Variants in SAMD4A observed in about 807,000 individuals in gnomAD.
The protein encoded by SAMD4A is sterile alpha motif domain containing 4A.
In SAMD4A, 33 loss-of-function variants were observed where a neutral mutation model predicts 81.3. The observed-to-expected ratio is 0.41, with a 90% CI of 0.31 to 0.54. The LOEUF is 0.54. Among genes scored for constraint, SAMD4A ranks in the 20% least tolerant of loss-of-function variants. The pLI is 0.37. For synonymous variants in SAMD4A, 389 were observed against 382.1 expected, an observed-to-expected ratio of 1.02 and a Z score of -0.21; for missense variants, 854 against 951.1, an observed-to-expected ratio of 0.90 and a Z score of 1.34.
At chr14:54,650,812 C>T (rs554190564) in intron 2 of SAMD4A, among the ~76,000 whole-genome samples, 194 of 152,318 alleles carry the variant, frequency 1.3e-3, no homozygotes, top group Middle Eastern at 6.8e-3. Flanking sequence ...ACCAGACTCA[C>T]GGAACAGAGG....
chr14:54,712,268 C>G (rs911619), intron 3 of SAMD4A, among the ~76,000 whole-genome samples: 14,680 of 124,838 alleles, frequency 0.12, 2,123 homozygotes, highest in African/African-American at 0.33. Flanking sequence ...AGCAGACTTT[C>G]TTTCTCGGTG....
intron 2 of SAMD4A, among the ~76,000 whole-genome samples, chr14:54,691,180 CCT>C: frequency 6.6e-6 from 1 of 152,232 alleles, no homozygotes; most frequent in East Asian, 1.9e-4. Context: ...CTGCCTGAGC[CCT>C]CTCACTGTTT....
At chr14:54,658,203 C>T (rs1288783623) in intron 2 of SAMD4A, among the ~76,000 whole-genome samples, 1 of 152,022 alleles carries the variant, frequency 6.6e-6, no homozygotes, top group African/African-American at 2.4e-5. Context: ...CCCAGCTACT[C>T]GGGAGGCTGA....
chr14:54,582,353 A>C (rs1057166193), intron 2 of SAMD4A, among the ~76,000 whole-genome samples: 8 of 152,150 alleles, frequency 5.3e-5, no homozygotes, highest in Admixed American at 3.3e-4. Flanking sequence ...TATTTTGTTG[A>C]ACTTCACAAG....
chr14:54,748,691 T>C (rs1017501494), intron 4 of SAMD4A, 124 bp from the exon 5 acceptor site: 1 of 661,340 alleles, frequency 1.5e-6, no homozygotes, highest in Non-Finnish European at 2.7e-6. Context: ...ATAAAGGTGT[T>C]ACTTTTTCTT....
intron 2 of SAMD4A, among the ~76,000 whole-genome samples, chr14:54,647,021 C>T (rs2035301046): frequency 6.6e-6 from 1 of 152,146 alleles, no homozygotes; most frequent in South Asian, 2.1e-4. Flanking sequence ...GTTACTTTGA[C>T]ACATATTTTC....
intron 2 of SAMD4A, among the ~76,000 whole-genome samples, chr14:54,683,423 A>G (rs997056036): frequency 1.1e-4 from 17 of 152,236 alleles, no homozygotes; most frequent in African/African-American, 4.1e-4. Context: ...AATGCTGGTC[A>G]TGAGATCAGG....
intron 3 of SAMD4A, among the ~76,000 whole-genome samples, chr14:54,712,788 C>A (rs1344034586): frequency 2.0e-5 from 3 of 152,174 alleles, no homozygotes; most frequent in African/African-American, 7.2e-5. Flanking sequence ...CTCCATCCCC[C>A]ATCCAGGAAG....
At chr14:54,602,846 C>G (rs935532106) in intron 2 of SAMD4A, among the ~76,000 whole-genome samples, 1 of 152,030 alleles carries the variant, frequency 6.6e-6, no homozygotes, top group African/African-American at 2.4e-5. Flanking sequence ...CAGTTCATGC[C>G]TGTCAGGCTA....
At chr14:54,584,390 C>T (rs1049600364) in intron 2 of SAMD4A, among the ~76,000 whole-genome samples, 3 of 152,098 alleles carry the variant, frequency 2.0e-5, no homozygotes, top group Non-Finnish European at 2.9e-5. Context: ...TTTTATGCAT[C>T]AGAGGAATTT....
chr14:54,779,492 G>A (rs2038945190), intron 11 of SAMD4A, among the ~76,000 whole-genome samples: 1 of 152,180 alleles, frequency 6.6e-6, no homozygotes, highest in African/African-American at 2.4e-5. Flanking sequence ...TAACTCTACT[G>A]ATGGGAGACT....
chr14:54,751,339 G>C, intron 5 of SAMD4A, 112 bp from the exon 6 acceptor site: 1 of 677,266 alleles, frequency 1.5e-6, no homozygotes, highest in Admixed American at 2.7e-5. Context: ...TGATCAGCCC[G>C]TGAACATATA....
intron 2 of SAMD4A, among the ~76,000 whole-genome samples, chr14:54,569,097 G>A (rs930451920): frequency 3.3e-5 from 5 of 152,052 alleles, no homozygotes; most frequent in Non-Finnish European, 1.5e-5. Context: ...CTGCAGGAGG[G>A]TGAACAGAGT....
At chr14:54,779,605 T>C (rs140118842) in intron 11 of SAMD4A, among the ~76,000 whole-genome samples, 125 of 152,192 alleles carry the variant, frequency 8.2e-4, no homozygotes, top group African/African-American at 2.7e-3. Context: ...CCCTCGTTCC[T>C]GGTTCTACAC....
At chr14:54,717,278 C>CA (rs1012174076) in intron 3 of SAMD4A, among the ~76,000 whole-genome samples, 1 of 151,422 alleles carries the variant, frequency 6.6e-6, no homozygotes, top group African/African-American at 2.4e-5. Context: ...CCTATCTCTA[C>CA]AAAAAAATAA....
intron 12 of SAMD4A, among the ~76,000 whole-genome samples, chr14:54,787,590 G>A (rs927188432): frequency 6.6e-6 from 1 of 152,192 alleles, no homozygotes; most frequent in Non-Finnish European, 1.5e-5. Flanking sequence ...GTAATATTGG[G>A]GCTTGGACTG....
intron 2 of SAMD4A, among the ~76,000 whole-genome samples, chr14:54,629,236 G>A (rs56294338): frequency 0.11 from 16,731 of 152,208 alleles, 1,181 homozygotes; most frequent in Middle Eastern, 0.21. Context: ...ACCACCAGAA[G>A]CTTGGAAGAG....
chr14:54,630,930 G>A lies in SAMD4A; in HGVS notation c.196+62818G>A, dbSNP rs1461759367. The stretch of plus-strand genomic sequence containing the variant: ...TATATGTGTGTGTGTGTGTGTGTGT[G>A]TGTGTGTGTGTGTGTGTGTGTGTGT... On this transcript the variant is annotated intron_variant, in intron 2 of 12. Transcript: ENST00000554335. 1.4e-4 allele frequency among the ~76,000 whole-genome samples: 21 copies of A among 151,236 alleles called. No individual in the cohort carries two copies. In the East Asian group the frequency reaches 3.5e-3, roughly 25 times the overall value.
intron 12 of SAMD4A, among the ~76,000 whole-genome samples, chr14:54,785,424 GAGAGA>G (rs1349691484): frequency 8.5e-5 from 13 of 152,346 alleles, no homozygotes; most frequent in African/African-American, 3.1e-4. Context: ...GCAGGCAGAG[GAGAGA>G]AGAGATGTCT....
Sources: allele counts gnomAD v4.1 joint callset (sites outside exome capture counted in the v4.1 genomes callset), GRCh38; gene constraint gnomAD v4.1.1; transcripts MANE v1.5; gene names NCBI Gene and HGNC (gene_info 2026-07-23, HGNC 2026-07-21).